The following NIBAN1 variants were observed in gnomAD, a reference collection of about 807,000 sequenced individuals.
NIBAN1 encodes niban apoptosis regulator 1.
In NIBAN1, 81 loss-of-function variants were observed where a neutral mutation model predicts 75.1. That is an observed-to-expected ratio of 1.08 (90% CI 0.90 to 1.30). NIBAN1 has a LOEUF of 1.30. Among genes scored for constraint, NIBAN1 ranks in the 50% most tolerant of loss-of-function variants. NIBAN1 has a pLI of 0.00. For synonymous variants in NIBAN1, 436 were observed against 424.8 expected (o/e 1.03, Z -0.32); for missense variants, 1,133 against 1,128.1 (o/e 1.00, Z -0.06).
chr1:184,797,203 A>G (rs531484921), intron 13 of NIBAN1, among the ~76,000 whole-genome samples: 1 of 148,462 alleles, frequency 6.7e-6, no homozygotes, highest in East Asian at 2.0e-4. Flanking sequence ...GCAATGGCAC[A>G]ATCTTGGCTC....
chr1:184,875,692 T>A (rs1656213924), intron 5 of NIBAN1, among the ~76,000 whole-genome samples: 1 of 152,154 alleles, frequency 6.6e-6, no homozygotes. Flanking sequence ...GGAAAGAATG[T>A]TAAAGAATTT....
intron 9 of NIBAN1, among the ~76,000 whole-genome samples, chr1:184,818,374 T>C (rs1442620723): frequency 6.6e-6 from 1 of 152,108 alleles, no homozygotes; most frequent in Non-Finnish European, 1.5e-5. Context: ...TATATTTGAG[T>C]ATGTTGCTTC....
At chr1:184,913,137 G>GTATATATATATATATATGC (rs56098797) in intron 1 of NIBAN1, among the ~76,000 whole-genome samples, 23 of 109,750 alleles carry the variant, frequency 2.1e-4, no homozygotes, top group Admixed American at 4.8e-4. Flanking sequence ...TATCATGCAG[G>GTATATATATATATATATGC]TATATATATA....
At chr1:184,878,115 A>C (rs920831187) in intron 5 of NIBAN1, among the ~76,000 whole-genome samples, 2 of 152,216 alleles carry the variant, frequency 1.3e-5, no homozygotes, top group African/African-American at 2.4e-5. Flanking sequence ...GGCCAAAAGA[A>C]GTATTTAAAT....
intron 5 of NIBAN1, among the ~76,000 whole-genome samples, chr1:184,880,630 G>T (rs749488944): frequency 6.6e-6 from 1 of 152,182 alleles, no homozygotes; most frequent in East Asian, 1.9e-4. Context: ...ACATTTACAT[G>T]CCAAGAAATG....
intron 1 of NIBAN1, among the ~76,000 whole-genome samples, chr1:184,972,579 A>T (rs894659178): frequency 2.0e-5 from 3 of 152,166 alleles, no homozygotes; most frequent in African/African-American, 7.2e-5. Context: ...TGCCCTCCTG[A>T]ATATAGAATG....
intron 9 of NIBAN1, among the ~76,000 whole-genome samples, chr1:184,815,852 T>C (rs1386606934): frequency 6.6e-6 from 1 of 152,210 alleles, no homozygotes; most frequent in Non-Finnish European, 1.5e-5. Context: ...ATTTGTTAGG[T>C]CCTTTTTCCA....
At chr1:184,872,877 T>C (rs79410233) in intron 5 of NIBAN1, among the ~76,000 whole-genome samples, 3,022 of 152,170 alleles carry the variant, frequency 0.02, 95 homozygotes, top group African/African-American at 0.068. Context: ...CCAACAAATT[T>C]CAAGCAGTAT....
At chr1:184,880,601 C>T (rs533310443) in intron 5 of NIBAN1, among the ~76,000 whole-genome samples, 1 of 152,286 alleles carries the variant, frequency 6.6e-6, no homozygotes, top group East Asian at 1.9e-4. Context: ...CCTCCAGGAA[C>T]ACTTTTTCTT....
intron 2 of NIBAN1, 145 bp from the exon 3 acceptor site, chr1:184,894,351 C>T (rs1656746339): frequency 3.9e-6 from 3 of 778,874 alleles, no homozygotes; most frequent in Non-Finnish European, 5.8e-6. Context: ...CTCCTCTCCC[C>T]CCACAATTTC....
intron 5 of NIBAN1, among the ~76,000 whole-genome samples, chr1:184,884,059 A>AC (rs947620150): frequency 3.3e-5 from 5 of 151,968 alleles, no homozygotes; most frequent in African/African-American, 9.7e-5. Context: ...AGAATGTGAC[A>AC]CCCCCCAACT....
In NIBAN1 at chr1:184,894,094, T is replaced by G; in HGVS notation, c.299A>C (p.Glu100Ala). ...YVVVKNDYAV[E>A]SYENKEAYQR... ...TCTTACCTCTTTATTCTCATAGCTCTCCACAGCATAATCATTTTTAACTAC... is the reference window on the plus strand; with the variant it reads ...TCTTACCTCTTTATTCTCATAGCTCGCCACAGCATAATCATTTTTAACTAC... The change falls in exon 3 of 14, where the codon GAG becomes GCG. Residue 100 changes from glutamate (E) to alanine (A), a missense_variant. Physicochemically the swap from Glu to Ala is moderately radical, Grantham distance 107. Transcript: ENST00000367511. 6.2e-7 allele frequency: 1 copy of G among 1,609,282 alleles called. No homozygotes were observed.
At chr1:184,803,002 T>C (rs1023564998) in intron 12 of NIBAN1, among the ~76,000 whole-genome samples, 1 of 152,216 alleles carries the variant, frequency 6.6e-6, no homozygotes, top group Non-Finnish European at 1.5e-5. Context: ...TGCTGGCCCA[T>C]TGCTCTGCTC....
At chr1:184,861,812 A>G (rs963557564) in intron 5 of NIBAN1, among the ~76,000 whole-genome samples, 3 of 150,732 alleles carry the variant, frequency 2.0e-5, no homozygotes, top group African/African-American at 7.3e-5. Context: ...GAAGAGAGAG[A>G]AGGAGGGAGG....
chr1:184,814,271 T>C (rs570050584), intron 9 of NIBAN1, among the ~76,000 whole-genome samples: 2 of 152,252 alleles, frequency 1.3e-5, no homozygotes, highest in East Asian at 3.9e-4. Context: ...TGTTCTGTTC[T>C]GAGAAAAAAA....
At chr1:184,827,960 G>GTTTTTTT (rs1047727839) in intron 6 of NIBAN1, among the ~76,000 whole-genome samples, 14 of 137,448 alleles carry the variant, frequency 1.0e-4, no homozygotes, top group Non-Finnish European at 7.7e-5. Context: ...TTTGTTTTTT[G>GTTTTTTT]TTTTTTTTTT....
intron 1 of NIBAN1, among the ~76,000 whole-genome samples, chr1:184,903,550 G>A (rs1048573536): frequency 6.6e-6 from 1 of 151,900 alleles, no homozygotes; most frequent in Non-Finnish European, 1.5e-5. Flanking sequence ...CATGAGAGCT[G>A]GTTGTTTGAA....
At chr1:184,826,535 T>C (rs1479647335) in intron 6 of NIBAN1, among the ~76,000 whole-genome samples, 1 of 151,972 alleles carries the variant, frequency 6.6e-6, no homozygotes, top group Non-Finnish European at 1.5e-5. Flanking sequence ...ATGGGAAGAG[T>C]GAGCCAAGAG....
At chr1:184,823,388 C>A in intron 7 of NIBAN1, 59 bp from the exon 8 acceptor site, 1 of 1,588,358 alleles carries the variant, frequency 6.3e-7, no homozygotes, top group South Asian at 1.1e-5. Flanking sequence ...CTGATGGAGT[C>A]AAGTGGAGGG....
Sources: gnomAD v4.1 joint callset for allele counts (sites outside exome capture counted in the v4.1 genomes callset) on GRCh38, gnomAD v4.1.1 for gene constraint, MANE v1.5 for transcripts, NCBI Gene and HGNC (gene_info 2026-07-23, HGNC 2026-07-21) for gene names.